COX20: variants seen among roughly 807,000 people sequenced by gnomAD.
The protein encoded by COX20 is cytochrome c oxidase assembly factor COX20, also known as cytochrome c oxidase assembly protein COX20, mitochondrial.
In COX20, 14 loss-of-function variants were observed where a neutral mutation model predicts 14.3. The ratio of observed to expected loss-of-function variants is 0.98; its 90% CI spans 0.65 to 1.53. The LOEUF is 1.53. Ranked by LOEUF, COX20 falls within the 40% of genes most tolerant of loss-of-function variation. The probability of loss-of-function intolerance (pLI) is 0.00; values close to 1 mark genes in which losing one functional copy is unlikely to be tolerated. For missense variants in COX20, 149 were observed against 142.1 expected (o/e 1.05, Z -0.25); for synonymous variants, 56 against 51.7 (o/e 1.08, Z -0.36).
At position 244,843,284 on chromosome 1, in the gene COX20, AT is replaced by A; in HGVS notation, c.*115del. On this transcript the variant is annotated 3_prime_UTR_variant, in exon 4 of 4. Transcript: ENST00000411948. ...AGTAAATAAAGTTTAAGTTGTAGTC[AT>A]TTTTTTCCCACACTTGTGTGGAATG... The A allele has an allele frequency of 1.7e-5, 22 of 1,327,368 alleles. No individual in the cohort carries two copies. The highest frequency in any genetic ancestry group is 1.9e-4 in the Middle Eastern group (1 of 5,260). 82.2% of individuals were successfully genotyped at this position (1,327,368 alleles called of 1,614,324 possible). A position where few individuals can be genotyped will look rare whatever the true frequency, so the allele number is the denominator to read the frequency against.
chr1:244,843,399 G>A lies in COX20; in HGVS notation c.*223G>A. 2.0e-6 allele frequency: 1 copy of A among 490,046 alleles called. No individual in the cohort carries two copies. Among genetic ancestry groups the A allele is most frequent in the Non-Finnish European group, 3.6e-6 (1 of 275,938 alleles). The allele number at this position is 490,046 out of a possible 1,614,324, so 30.4% of individuals were successfully genotyped here. The stretch of plus-strand genomic sequence containing the variant: ...ATAGTGGACTTGTCATCCTTAAAAT[G>A]TGAACAGAATTTATTGGCAGTGTGG... On this transcript the variant is annotated 3_prime_UTR_variant, in exon 4 of 4. Transcript: ENST00000411948.
intron 1 of COX20, among the ~76,000 whole-genome samples, chr1:244,838,554 C>T (rs970323954): frequency 6.6e-6 from 1 of 152,128 alleles, no homozygotes. Flanking sequence ...AAAAAAGTTT[C>T]AAAAACAAAT....
At chr1:244,838,334 T>C (rs1680063886) in intron 1 of COX20, among the ~76,000 whole-genome samples, 1 of 152,210 alleles carries the variant, frequency 6.6e-6, no homozygotes. Flanking sequence ...TGAATGAGGC[T>C]GAAGCTTGGG....
At chr1:244,841,589 A>G (rs914959215) in intron 1 of COX20, 3 of 175,266 alleles carry the variant, frequency 1.7e-5, no homozygotes, top group South Asian at 1.5e-4. Flanking sequence ...GAAGCAAGCT[A>G]TGCTGCTTTC....
chr1:244,843,017 T>G lies in COX20; in HGVS notation c.222-24T>G. The G allele has an allele frequency of 2.0e-6, 3 of 1,478,196 alleles. No homozygotes were observed. The highest frequency in any genetic ancestry group is 2.7e-6 in the Non-Finnish European group (3 of 1,101,302). The allele number at this position is 1,478,196 out of a possible 1,614,324, so 91.6% of individuals were successfully genotyped here. On this transcript the variant is annotated intron_variant, in intron 3 of 3. Transcript: ENST00000411948. ...TTCTGTAGGACTTTATATTAACAATTTATTCATATTCTTTTCTTCTAAGGT... is the reference window on the plus strand; with the variant it reads ...TTCTGTAGGACTTTATATTAACAATGTATTCATATTCTTTTCTTCTAAGGT...
intron 3 of COX20, chr1:244,842,627 G>C (rs545968707): frequency 4.4e-5 from 12 of 270,384 alleles, no homozygotes; most frequent in Admixed American, 3.5e-4. Flanking sequence ...CCAGACCTAA[G>C]AGTATGATAT....
rs1183988671 is a variant in COX20 at position 244,843,072 on chromosome 1, A to G, written c.253A>G (p.Arg85Gly). Reference protein sequence around the residue: ...FHCRYNYAKQRIQERIAREEI... With the variant: ...FHCRYNYAKQGIQERIAREEI... The stretch of plus-strand genomic sequence containing the variant: ...TTGTAGGTATAATTATGCAAAGCAA[A>G]GAATCCAGGAAAGAATTGCCAGAGA... The change falls in exon 4 of 4, where the codon AGA becomes GGA. Residue 85 changes from arginine (R) to glycine (G), a missense_variant. By Grantham distance (125) the Arg-to-Gly change is moderately radical. Transcript: ENST00000411948. 6.3e-7 allele frequency: 1 copy of G among 1,591,042 alleles called. No individual in the cohort carries two copies. Among genetic ancestry groups the G allele is most frequent in the Non-Finnish European group, 8.5e-7 (1 of 1,171,036 alleles).
At position 244,843,617 on chromosome 1, in the gene COX20, T is replaced by C. The variant is rs928996586; in HGVS notation, c.*441T>C. The stretch of plus-strand genomic sequence containing the variant: ...TAAGATTTAAAACTAAGGGCTTTTA[T>C]CACTTTGCAAATTATTTTTTAAATG... On this transcript the variant is annotated 3_prime_UTR_variant, in exon 4 of 4. Transcript: ENST00000411948. 6 of 152,716 alleles carry C rather than the reference T, an allele frequency of 3.9e-5. No individual in the cohort carries two copies. Among genetic ancestry groups the C allele is most frequent in the African/African-American group, 1.4e-4 (6 of 41,490 alleles). 9.5% of individuals were successfully genotyped at this position (152,716 alleles called of 1,614,324 possible). A position where few individuals can be genotyped will look rare whatever the true frequency, so the allele number is the denominator to read the frequency against.
At chr1:244,835,368 G>T, upstream of COX20, 1 of 255,992 alleles carries the variant, frequency 3.9e-6, no homozygotes, top group African/African-American at 2.2e-5. Context: ...GCAGGGGGCT[G>T]GCGCGGGAAG....
At chr1:244,841,917 A>C (rs536231469) in intron 1 of COX20, 27 bp from the exon 2 acceptor site, 2 of 1,369,514 alleles carry the variant, frequency 1.5e-6, no homozygotes, top group South Asian at 1.2e-5. Context: ...TTTCTTACTC[A>C]ATCTAGGTTC....
intron 1 of COX20, among the ~76,000 whole-genome samples, chr1:244,838,765 TGAGAG>T (rs1287368188): frequency 9.2e-5 from 14 of 151,734 alleles, no homozygotes; most frequent in Admixed American, 3.9e-4. Context: ...AGGTGGCTGA[TGAGAG>T]GAGAGGGGTG....
chr1:244,842,579 T>C (rs762179815), intron 3 of COX20: 1 of 309,918 alleles, frequency 3.2e-6, no homozygotes, highest in Non-Finnish European at 6.0e-6. Flanking sequence ...CAACTACTGA[T>C]GAGTGAATAT....
rs183953347 is a variant in COX20, at chr1:244,837,807, C to T, written c.42+2051C>T. On this transcript the variant is annotated intron_variant, in intron 1 of 3. Coordinates refer to ENST00000411948, the MANE Select transcript of COX20 (RefSeq NM_198076.6). ...TAACCATCTCGGCTTGTTAGAATGG[C>T]AAGGCCACTGTACCTGGACTAGTGG... is the stretch of plus-strand genomic sequence containing the variant. 4.6e-4 allele frequency among the ~76,000 whole-genome samples: 70 copies of T among 152,282 alleles called. No individual in the cohort carries two copies. The East Asian group carries it at 0.012, about 27-fold the overall frequency.
rs970173907 is a variant in COX20 at position 244,844,279 on chromosome 1, C to T, written c.*1103C>T. 1.3e-5 allele frequency: 2 copies of T among 152,134 alleles called. No individual in the cohort carries two copies. The highest frequency in any genetic ancestry group is 6.5e-5 in the Admixed American group (1 of 15,268). 9.4% of individuals were successfully genotyped at this position (152,134 alleles called of 1,614,324 possible). On this transcript the variant is annotated 3_prime_UTR_variant, in exon 4 of 4. Transcript: ENST00000411948. Reference sequence around the variant, plus strand: ...TGCCCACCTTTTCTTGTGGCTGTCGCTAGGAAGGATGCAGAGGCTGTGTGG... The same window carrying T: ...TGCCCACCTTTTCTTGTGGCTGTCGTTAGGAAGGATGCAGAGGCTGTGTGG...
chr1:244,837,375 T>A (rs1022749089), intron 1 of COX20, among the ~76,000 whole-genome samples: 10 of 152,150 alleles, frequency 6.6e-5, no homozygotes, highest in African/African-American at 1.9e-4. Context: ...TTATTTTTTT[T>A]AAAAGAATTT....
At chr1:244,835,806 G>C (rs568783238) in intron 1 of COX20, 50 bp downstream of exon 1, 2 of 1,220,920 alleles carry the variant, frequency 1.6e-6, no homozygotes, top group African/African-American at 1.6e-5. Context: ...GGTGGGTAAG[G>C]ACGTTCTCCG....
At position 244,843,088 on chromosome 1, in the gene COX20, T is replaced by C. The variant is rs150172035; in HGVS notation, c.269T>C (p.Ile90Thr). 62 of 1,594,938 alleles carry C rather than the reference T, an allele frequency of 3.9e-5. No homozygotes were observed. Among genetic ancestry groups the C allele is most frequent in the South Asian group, 5.7e-5 (5 of 87,620 alleles). ...GCAAAGCAAAGAATCCAGGAAAGAA[T>C]TGCCAGAGAAGAAATTAAAAAGAAG... ...NYAKQRIQER[I>T]AREEIKKKIL... Residue 90 changes from isoleucine to threonine, a missense_variant, in exon 4 of 4, where the codon ATT becomes ACT. Transcript: ENST00000411948.
Position 244,835,730 on chromosome 1 carries a change from G to A in COX20, c.16G>A (p.Glu6Lys). Residue 6 changes from glutamate to lysine, a missense_variant, in exon 1 of 4, where the codon GAG (glutamate) becomes AAG (lysine). Glu to Lys is a moderately conservative substitution (Grantham distance 56, BLOSUM62 1). Transcript: ENST00000411948. MAAPP[E>K]PGEPEERKSL... ...AGTAGTCCTCATGGCCGCCCCGCCG[G>A]AGCCCGGTGAGCCCGAGGAGAGGAA... 7.9e-7 allele frequency: 1 copy of A among 1,270,374 alleles called. No individual in the cohort carries two copies. The highest frequency in any genetic ancestry group is 9.9e-7 in the Non-Finnish European group (1 of 1,005,080). The allele number at this position is 1,270,374 out of a possible 1,614,324, so 78.7% of individuals were successfully genotyped here. A position where few individuals can be genotyped will look rare whatever the true frequency, so the allele number is the denominator to read the frequency against.
In COX20 at chr1:244,844,000, C is replaced by T. The variant is rs1030143169; in HGVS notation, c.*824C>T. The T allele has an allele frequency of 6.6e-6, 1 of 152,114 alleles. No homozygotes were observed. The highest frequency in any genetic ancestry group is 1.5e-5 in the Non-Finnish European group (1 of 68,012). The allele number at this position is 152,114 out of a possible 1,614,324, so 9.4% of individuals were successfully genotyped here. A position where few individuals can be genotyped will look rare whatever the true frequency, so the allele number is the denominator to read the frequency against. On this transcript the variant is annotated 3_prime_UTR_variant, in exon 4 of 4. Transcript: ENST00000411948. Reference sequence around the variant, plus strand: ...AAGTTATTTCTGGTTTTAATTCATACAATACTTTAAGAAAATCTGTTAAAT... The same window carrying T: ...AAGTTATTTCTGGTTTTAATTCATATAATACTTTAAGAAAATCTGTTAAAT...
Sources: gnomAD v4.1 joint callset for allele counts (sites outside exome capture counted in the v4.1 genomes callset) on GRCh38, gnomAD v4.1.1 for gene constraint, MANE v1.5 for transcripts, NCBI Gene and HGNC (gene_info 2026-07-23, HGNC 2026-07-21) for gene names.